The following TRPC7 variants were observed in gnomAD, a reference collection of about 807,000 sequenced individuals.
TRPC7 encodes the protein short transient receptor potential channel 7.
A neutral mutation model predicts 90.1 loss-of-function variants in TRPC7; 42 were observed. The ratio of observed to expected loss-of-function variants is 0.47; its 90% CI spans 0.36 to 0.60. The LOEUF is 0.60. Ranked by LOEUF, TRPC7 falls within the 20% of genes least tolerant of loss-of-function variation. The pLI is 0.00. For synonymous variants in TRPC7, 451 were observed against 436.3 expected (o/e 1.03, Z -0.42); for missense variants, 955 against 1,112.3 (o/e 0.86, Z 2.01).
intron 3 of TRPC7, among the ~76,000 whole-genome samples, chr5:136,312,326 G>T (rs1184254508): frequency 6.6e-6 from 1 of 152,100 alleles, no homozygotes; most frequent in Non-Finnish European, 1.5e-5. Flanking sequence ...GCATTCTCTG[G>T]GGAGATAACA....
intron 3 of TRPC7, 96 bp from the exon 4 acceptor site, chr5:136,274,933 GA>G: frequency 7.3e-7 from 1 of 1,369,174 alleles, no homozygotes. Flanking sequence ...GCTGGGGGCT[GA>G]AATGCTCCAC....
chr5:136,327,669 G>A (rs1047874389), intron 2 of TRPC7, among the ~76,000 whole-genome samples: 1 of 152,162 alleles, frequency 6.6e-6, no homozygotes, highest in African/African-American at 2.4e-5. Flanking sequence ...GGCTTCCCAC[G>A]GTGAGGACCC....
chr5:136,255,418 T>C lies in TRPC7; in HGVS notation c.1346-3536A>G, dbSNP rs183876426. Among the ~76,000 whole-genome samples the C allele has an allele frequency of 1.8e-3, 273 of 152,348 alleles. 1 individual carries two copies. Among genetic ancestry groups the C allele is most frequent in the African/African-American group, 6.0e-3 (248 of 41,572 alleles). On this transcript the variant is annotated intron_variant, in intron 5 of 11. Coordinates refer to ENST00000513104, the MANE Select transcript of TRPC7 (RefSeq NM_020389.3). ...CCAAGACCCTCCACCAGCAAAAAGA[T>C]TATGCCTTGTTGAAGGCTCAGATGA...
intron 10 of TRPC7, among the ~76,000 whole-genome samples, chr5:136,224,182 A>G (rs1037814723): frequency 1.8e-4 from 28 of 152,200 alleles, no homozygotes; most frequent in African/African-American, 6.8e-4. Flanking sequence ...TAAAATTTAC[A>G]TCTGATAAGA....
intron 5 of TRPC7, among the ~76,000 whole-genome samples, chr5:136,265,552 A>G (rs968759817): frequency 2.0e-5 from 3 of 152,128 alleles, no homozygotes; most frequent in South Asian, 4.1e-4. Context: ...AGTCACTGCC[A>G]GTTTTATTTT....
intron 3 of TRPC7, among the ~76,000 whole-genome samples, chr5:136,276,336 A>G (rs1319298941): frequency 6.6e-6 from 1 of 152,168 alleles, no homozygotes; most frequent in African/African-American, 2.4e-5. Context: ...GCATTTTTCA[A>G]AGGGACAACT....
chr5:136,231,649 G>T, intron 7 of TRPC7, 100 bp from the exon 8 acceptor site: 4 of 1,156,460 alleles, frequency 3.5e-6, no homozygotes, highest in Non-Finnish European at 4.8e-6. Context: ...CTGTTGCCTA[G>T]GCTGGAGTGC....
At chr5:136,359,890 C>A (rs1244957074) in intron 1 of TRPC7, among the ~76,000 whole-genome samples, 1 of 151,980 alleles carries the variant, frequency 6.6e-6, no homozygotes, top group Non-Finnish European at 1.5e-5. Context: ...CTCAGAAACA[C>A]TTTTTTTTAT....
intron 2 of TRPC7, among the ~76,000 whole-genome samples, chr5:136,354,754 A>G (rs748459003): frequency 6.6e-6 from 1 of 152,164 alleles, no homozygotes; most frequent in Non-Finnish European, 1.5e-5. Flanking sequence ...TCCTTCCCCA[A>G]CTGATCTCTT....
At chr5:136,249,660 T>C (rs1017293064) in intron 6 of TRPC7, among the ~76,000 whole-genome samples, 2 of 152,236 alleles carry the variant, frequency 1.3e-5, no homozygotes, top group African/African-American at 4.8e-5. Flanking sequence ...AGGACTTATA[T>C]TGAAAAATAT....
chr5:136,326,695 C>T (rs1322534505), intron 2 of TRPC7, among the ~76,000 whole-genome samples: 5 of 152,116 alleles, frequency 3.3e-5, no homozygotes, highest in Non-Finnish European at 5.9e-5. Flanking sequence ...TTCCTAACCA[C>T]ATTCACCTTC....
At chr5:136,291,519 C>G (rs1198515373) in intron 3 of TRPC7, among the ~76,000 whole-genome samples, 4 of 152,078 alleles carry the variant, frequency 2.6e-5, no homozygotes, top group Admixed American at 6.6e-5. Flanking sequence ...AGACTTTAAA[C>G]CAACAAAGAT....
intron 4 of TRPC7, among the ~76,000 whole-genome samples, chr5:136,271,770 A>G (rs184847322): frequency 3.3e-5 from 5 of 152,302 alleles, no homozygotes; most frequent in Middle Eastern, 3.4e-3. Context: ...ATACGTAGCC[A>G]TCTGTGACTT....
intron 2 of TRPC7, among the ~76,000 whole-genome samples, chr5:136,340,704 T>C (rs1759819672): frequency 6.6e-6 from 1 of 151,296 alleles, no homozygotes; most frequent in South Asian, 2.1e-4. Context: ...AAGAATACCA[T>C]AAAGGAGATA....
At chr5:136,296,324 A>G (rs1453870896) in intron 3 of TRPC7, among the ~76,000 whole-genome samples, 1 of 152,240 alleles carries the variant, frequency 6.6e-6, no homozygotes, top group Non-Finnish European at 1.5e-5. Context: ...TTCTTATACC[A>G]CTGGTGGCAC....
rs761453881 is a variant in TRPC7 at position 136,324,264 on chromosome 5, A to C, written c.781-8485T>G. 3.3e-5 allele frequency among the ~76,000 whole-genome samples: 5 copies of C among 152,166 alleles called. No homozygotes were observed. The East Asian group carries it at 9.6e-4, about 29-fold the overall frequency. On this transcript the variant is annotated intron_variant, in intron 2 of 11. Transcript: ENST00000513104. ...GATTGTTGACCTTGAATAAACACCT[A>C]GTTCAAATGTATTTCTTAAAATGGT...
intron 1 of TRPC7, among the ~76,000 whole-genome samples, chr5:136,363,517 A>T (rs1760631773): frequency 6.6e-6 from 1 of 152,190 alleles, no homozygotes; most frequent in Non-Finnish European, 1.5e-5. Flanking sequence ...CCCAAGGTAT[A>T]CACGAGTTCA....
chr5:136,323,576 C>T (rs979746949), intron 2 of TRPC7, among the ~76,000 whole-genome samples: 1 of 152,090 alleles, frequency 6.6e-6, no homozygotes, highest in African/African-American at 2.4e-5. Flanking sequence ...GTTCCAGCCC[C>T]ATTTGTTGAA....
intron 7 of TRPC7, among the ~76,000 whole-genome samples, chr5:136,242,544 T>C (rs929059765): frequency 1.3e-5 from 2 of 152,208 alleles, no homozygotes; most frequent in African/African-American, 4.8e-5. Flanking sequence ...ACCTCTTCAG[T>C]AGCTTGTGCT....
Sources: allele counts gnomAD v4.1 joint callset (sites outside exome capture counted in the v4.1 genomes callset), GRCh38; gene constraint gnomAD v4.1.1; transcripts MANE v1.5; gene names NCBI Gene and HGNC (gene_info 2026-07-23, HGNC 2026-07-21).